The following FRMD5 variants were observed in gnomAD, a reference collection of about 807,000 sequenced individuals.
FRMD5 encodes the protein FERM domain containing 5.
A neutral mutation model predicts 69.0 loss-of-function variants in FRMD5; 20 were observed. The ratio of observed to expected loss-of-function variants is 0.29; its 90% CI spans 0.20 to 0.42. The LOEUF is 0.42. Ranked by LOEUF, FRMD5 falls within the 10% of genes least tolerant of loss-of-function variation. The pLI is 1.00. For missense variants in FRMD5, 595 were observed against 708.6 expected (o/e 0.84, Z 1.82); for synonymous variants, 271 against 260.1 (o/e 1.04, Z -0.40).
chr15:43,934,065 C>T (rs1595533520), intron 1 of FRMD5, among the ~76,000 whole-genome samples: 1 of 152,336 alleles, frequency 6.6e-6, no homozygotes. Context: ...CTCCTTGAGG[C>T]TCCTTAGTCA....
chr15:43,932,694 T>C (rs1421691452), intron 1 of FRMD5, among the ~76,000 whole-genome samples: 1 of 152,228 alleles, frequency 6.6e-6, no homozygotes, highest in East Asian at 1.9e-4. Context: ...ACAGAACAGG[T>C]TCCCTCTGTA....
At chr15:44,125,189 C>A (rs185435295) in intron 1 of FRMD5, among the ~76,000 whole-genome samples, 11 of 152,166 alleles carry the variant, frequency 7.2e-5, no homozygotes, top group Admixed American at 3.3e-4. Flanking sequence ...ATAATCCCAG[C>A]TACTCAGGAC....
At chr15:43,999,539 C>A (rs941252361) in intron 1 of FRMD5, among the ~76,000 whole-genome samples, 2 of 152,214 alleles carry the variant, frequency 1.3e-5, no homozygotes, top group East Asian at 3.9e-4. Flanking sequence ...TCGGTCTCCA[C>A]AATTTACTTA....
intron 1 of FRMD5, among the ~76,000 whole-genome samples, chr15:44,048,692 C>T (rs1229415174): frequency 6.6e-6 from 1 of 152,112 alleles, no homozygotes; most frequent in African/African-American, 2.4e-5. Context: ...TGTGCCTCAA[C>T]CTCCCAAGCA....
chr15:44,112,902 C>T (rs1214251804), intron 1 of FRMD5, among the ~76,000 whole-genome samples: 1 of 152,178 alleles, frequency 6.6e-6, no homozygotes, highest in East Asian at 1.9e-4. Context: ...GCCACCTTCA[C>T]TGATTTTTTC....
chr15:43,971,782 C>A (rs1003962991), intron 1 of FRMD5, among the ~76,000 whole-genome samples: 1 of 151,320 alleles, frequency 6.6e-6, no homozygotes, highest in Non-Finnish European at 1.5e-5. Context: ...CCTCAGCTCA[C>A]TGCAACCTCC....
rs570220265 is a variant in FRMD5 at position 44,054,315 on chromosome 15, T to C, written c.103-130006A>G. Among the ~76,000 whole-genome samples the C allele has an allele frequency of 7.9e-5, 12 of 152,280 alleles. No homozygotes were observed. In the South Asian group the frequency reaches 2.5e-3, roughly 32 times the overall value. ...TGTGGGAGCAGCTTTTATCCCAACC[T>C]CTATCCTATTATCTTCCCTGCAATC... is the stretch of plus-strand genomic sequence containing the variant. On this transcript the variant is annotated intron_variant, in intron 1 of 13. Transcript: ENST00000417257.
At chr15:44,144,417 G>A (rs191707545) in intron 1 of FRMD5, among the ~76,000 whole-genome samples, 2 of 152,248 alleles carry the variant, frequency 1.3e-5, no homozygotes, top group East Asian at 1.9e-4. Flanking sequence ...TAGAGCCAAG[G>A]ACACAGTAAA....
At chr15:44,024,746 A>C (rs993839283) in intron 1 of FRMD5, among the ~76,000 whole-genome samples, 1 of 152,300 alleles carries the variant, frequency 6.6e-6, no homozygotes, top group Middle Eastern at 3.4e-3. Context: ...TGTTATTTTT[A>C]TCTTTGTTTA....
chr15:44,102,983 C>CCT (rs1864806398), intron 1 of FRMD5, among the ~76,000 whole-genome samples: 1 of 152,200 alleles, frequency 6.6e-6, no homozygotes, highest in South Asian at 2.1e-4. Flanking sequence ...TGCCTACACT[C>CCT]ATAACCTTGG....
At chr15:44,143,567 C>T (rs2077305369) in intron 1 of FRMD5, among the ~76,000 whole-genome samples, 1 of 151,278 alleles carries the variant, frequency 6.6e-6, no homozygotes, top group Non-Finnish European at 1.5e-5. Context: ...TACAAAAACC[C>T]ATTCTTTTAC....
chr15:44,072,984 A>C (rs1893605699), intron 1 of FRMD5, among the ~76,000 whole-genome samples: 2 of 152,086 alleles, frequency 1.3e-5, no homozygotes, highest in Admixed American at 6.5e-5. Flanking sequence ...AAATGTTTTT[A>C]ATAGTTGGGC....
At chr15:43,963,905 G>A (rs1444015808) in intron 1 of FRMD5, among the ~76,000 whole-genome samples, 2 of 152,086 alleles carry the variant, frequency 1.3e-5, no homozygotes, top group East Asian at 1.9e-4. Context: ...AGGGACTGTT[G>A]TGGGGTTAGG....
chr15:44,041,711 AAAGATGTTCTTTGAAACG>A (rs530098551), intron 1 of FRMD5, among the ~76,000 whole-genome samples: 21 of 152,324 alleles, frequency 1.4e-4, no homozygotes, highest in African/African-American at 3.6e-4. Flanking sequence ...AGGCAGAAAT[AAAGATGTTCTTTGAAACG>A]AATGAGAACA....
rs547559293 is a variant in FRMD5 at position 43,937,828 on chromosome 15, C to T, written c.103-13519G>A. ...TTGTTTCAAGTTTAGCCAAGATAGCCAAGTCTTTTATAAGCTTGTCTCAAG... is the reference window on the plus strand; with the variant it reads ...TTGTTTCAAGTTTAGCCAAGATAGCTAAGTCTTTTATAAGCTTGTCTCAAG... On this transcript the variant is annotated intron_variant, in intron 1 of 13. Transcript: ENST00000417257. Among the ~76,000 whole-genome samples, 4 of 152,178 alleles carry T rather than the reference C, an allele frequency of 2.6e-5. No individual in the cohort carries two copies. In the East Asian group the frequency reaches 7.7e-4, roughly 29 times the overall value.
chr15:43,945,439 G>A (rs1469582678), intron 1 of FRMD5, among the ~76,000 whole-genome samples: 4 of 152,120 alleles, frequency 2.6e-5, no homozygotes, highest in South Asian at 2.1e-4. Flanking sequence ...GTAGGCAGAG[G>A]AGAACTGATT....
chr15:44,108,345 T>C (rs975359509), intron 1 of FRMD5, among the ~76,000 whole-genome samples: 8 of 151,554 alleles, frequency 5.3e-5, no homozygotes, highest in Non-Finnish European at 7.4e-5. Flanking sequence ...TTTAAAAAAA[T>C]AAAAATAAAA....
intron 2 of FRMD5, among the ~76,000 whole-genome samples, chr15:43,923,832 T>G (rs1379121561): frequency 6.6e-6 from 1 of 152,230 alleles, no homozygotes; most frequent in African/African-American, 2.4e-5. Flanking sequence ...TATGGCACCT[T>G]TGGTGAGGCC....
intron 4 of FRMD5, among the ~76,000 whole-genome samples, chr15:43,918,604 G>T (rs2089438553): frequency 6.6e-6 from 1 of 152,126 alleles, no homozygotes; most frequent in South Asian, 2.1e-4. Flanking sequence ...TTAGGGAAGG[G>T]GTTAGAGCTG....
Sources: allele counts gnomAD v4.1 joint callset (sites outside exome capture counted in the v4.1 genomes callset), GRCh38; gene constraint gnomAD v4.1.1; transcripts MANE v1.5; gene names NCBI Gene and HGNC (gene_info 2026-07-23, HGNC 2026-07-21).